Variants in ENTREP2 observed in about 807,000 individuals in gnomAD.
The protein encoded by ENTREP2 is endosomal transmembrane epsin interactor 2.
the ENTREP2 span, among the ~76,000 whole-genome samples, chr15:29,279,605 C>T: frequency 5.9e-5 from 9 of 152,020 alleles, no homozygotes; most frequent in East Asian, 1.9e-4. Context: ...CCTCGTGATC[C>T]GCCCACCTTG....
At chr15:29,259,811 C>CATATATATATAT in the ENTREP2 span, among the ~76,000 whole-genome samples, 8 of 149,318 alleles carry the variant, frequency 5.4e-5, no homozygotes, top group African/African-American at 2.0e-4. Context: ...ATCCCATTTA[C>CATATATATATAT]ATATATATAT....
the ENTREP2 span, among the ~76,000 whole-genome samples, chr15:29,527,201 T>G: frequency 6.6e-6 from 1 of 152,190 alleles, no homozygotes; most frequent in Non-Finnish European, 1.5e-5. Context: ...CTCTTCAATT[T>G]GTTGCCTGCC....
chr15:29,611,571 C>T, the ENTREP2 span, among the ~76,000 whole-genome samples: 1 of 152,060 alleles, frequency 6.6e-6, no homozygotes, highest in Non-Finnish European at 1.5e-5. Context: ...TACCCCTCTG[C>T]CCTTCCCAGC....
chr15:29,649,313 C>T, the ENTREP2 span, among the ~76,000 whole-genome samples: 3 of 152,158 alleles, frequency 2.0e-5, no homozygotes, highest in Non-Finnish European at 4.4e-5. Context: ...AAAGGAAGTG[C>T]ACTTTTCTCC....
the ENTREP2 span, among the ~76,000 whole-genome samples, chr15:29,571,006 G>C: frequency 6.9e-6 from 1 of 145,376 alleles, no homozygotes; most frequent in Non-Finnish European, 1.5e-5. Context: ...GCGCTCCCCG[G>C]CCCGAGCGCG....
chr15:29,159,383 C>T, the ENTREP2 span, among the ~76,000 whole-genome samples: 1 of 152,138 alleles, frequency 6.6e-6, no homozygotes, highest in Admixed American at 6.5e-5. Context: ...GAGTGAGCAG[C>T]AGCAAGATTT....
chr15:29,320,833 G>T, the ENTREP2 span, among the ~76,000 whole-genome samples: 1 of 151,926 alleles, frequency 6.6e-6, no homozygotes, highest in Non-Finnish European at 1.5e-5. Flanking sequence ...AAACTAAAGT[G>T]CAAGAAAGAA....
At chr15:29,588,522 A>G in the ENTREP2 span, among the ~76,000 whole-genome samples, 4 of 123,682 alleles carry the variant, frequency 3.2e-5, no homozygotes, top group Admixed American at 8.9e-5. Context: ...GGGAGGGAGG[A>G]AGGAAGGAAG....
At chr15:29,177,677 G>A in the ENTREP2 span, among the ~76,000 whole-genome samples, 4 of 152,150 alleles carry the variant, frequency 2.6e-5, no homozygotes, top group African/African-American at 9.7e-5. Context: ...ATCAAGCCAC[G>A]GCAGAGCTGC....
chr15:29,212,325 T>C, the ENTREP2 span, among the ~76,000 whole-genome samples: 1 of 152,170 alleles, frequency 6.6e-6, no homozygotes, highest in Admixed American at 6.5e-5. Flanking sequence ...TTGTAATACC[T>C]CCCCCGTTTC....
the ENTREP2 span, among the ~76,000 whole-genome samples, chr15:29,454,300 G>C: frequency 2.0e-5 from 3 of 152,240 alleles, no homozygotes; most frequent in East Asian, 5.8e-4. Context: ...TTTTCTTATT[G>C]ATTTATGACT....
At chr15:29,149,289 T>C in the ENTREP2 span, among the ~76,000 whole-genome samples, 1 of 152,236 alleles carries the variant, frequency 6.6e-6, no homozygotes, top group Non-Finnish European at 1.5e-5. Flanking sequence ...AACTCGACTG[T>C]GCTGTACCAG....
At chr15:29,610,329 C>CA in the ENTREP2 span, 1 of 150,422 alleles carries the variant, frequency 6.6e-6, no homozygotes, top group Non-Finnish European at 1.5e-5. Context: ...GGTCATATGC[C>CA]ATTTCTGAGA....
the ENTREP2 span, among the ~76,000 whole-genome samples, chr15:29,335,429 A>T: frequency 6.6e-6 from 1 of 152,182 alleles, no homozygotes; most frequent in Non-Finnish European, 1.5e-5. Flanking sequence ...CATACTCTTT[A>T]ACAGCTCTCT....
chr15:29,649,142 A>C, the ENTREP2 span, among the ~76,000 whole-genome samples: 1 of 151,904 alleles, frequency 6.6e-6, no homozygotes, highest in African/African-American at 2.4e-5. Context: ...ATGGGACTGA[A>C]GGAATAGCTG....
At chr15:29,404,231 T>G in the ENTREP2 span, among the ~76,000 whole-genome samples, 1 of 152,084 alleles carries the variant, frequency 6.6e-6, no homozygotes, top group African/African-American at 2.4e-5. Flanking sequence ...ACTCAGTCTA[T>G]GCCCCTCACT....
At chr15:29,633,564 G>C in the ENTREP2 span, among the ~76,000 whole-genome samples, 2 of 152,040 alleles carry the variant, frequency 1.3e-5, no homozygotes, top group Non-Finnish European at 1.5e-5. Flanking sequence ...AAATAGAAGG[G>C]TGGGGAGGGA....
At chr15:29,231,925 C>G in the ENTREP2 span, among the ~76,000 whole-genome samples, 48,192 of 141,748 alleles carry the variant, frequency 0.34, 8,934 homozygotes, top group East Asian at 0.58. Context: ...GAGTCTCACT[C>G]TGCTGCCCAG....
chr15:29,635,976 C>T, the ENTREP2 span, among the ~76,000 whole-genome samples: 3 of 152,296 alleles, frequency 2.0e-5, no homozygotes, highest in South Asian at 6.2e-4. Context: ...ATCTATTTGA[C>T]AACAAATGTC....
Sources: gnomAD v4.1 joint callset for allele counts (sites outside exome capture counted in the v4.1 genomes callset) on GRCh38, gnomAD v4.1.1 for gene constraint, MANE v1.5 for transcripts, NCBI Gene and HGNC (gene_info 2026-07-23, HGNC 2026-07-21) for gene names.